EPM2A: variants seen among roughly 807,000 people sequenced by gnomAD.
The protein encoded by EPM2A is EPM2A glucan phosphatase, laforin.
A neutral mutation model predicts 26.5 loss-of-function variants in EPM2A; 21 were observed. That is an observed-to-expected ratio of 0.79 (90% CI 0.56 to 1.14). The LOEUF is 1.14. Among genes scored for constraint, EPM2A ranks in the 50% most tolerant of loss-of-function variants. The probability of loss-of-function intolerance (pLI) is 0.00; values close to 1 mark genes in which losing one functional copy is unlikely to be tolerated. For synonymous variants in EPM2A, 217 were observed against 177.6 expected, an observed-to-expected ratio of 1.22 and a Z score of -1.76; for missense variants, 458 against 440.8, an observed-to-expected ratio of 1.04 and a Z score of -0.35.
chr6:145,661,791 A>T (rs1400654946), intron 2 of EPM2A, among the ~76,000 whole-genome samples: 1 of 151,438 alleles, frequency 6.6e-6, no homozygotes, highest in African/African-American at 2.4e-5. Context: ...GGCTCTTGAA[A>T]CCCCCTCAAC....
chr6:145,650,625 T>C (rs1038091234), intron 2 of EPM2A, among the ~76,000 whole-genome samples: 2 of 152,174 alleles, frequency 1.3e-5, no homozygotes, highest in Non-Finnish European at 2.9e-5. Flanking sequence ...ATTGTTTTTG[T>C]TATGCTATTT....
intron 1 of EPM2A, among the ~76,000 whole-genome samples, chr6:145,690,306 C>T (rs533389453): frequency 2.6e-5 from 4 of 151,848 alleles, no homozygotes; most frequent in South Asian, 2.1e-4. Flanking sequence ...GTCAGGAGAT[C>T]GAGACCATCC....
At chr6:145,578,922 G>A in intron 2 of EPM2A, among the ~76,000 whole-genome samples, 1 of 151,666 alleles carries the variant, frequency 6.6e-6, no homozygotes, top group Non-Finnish European at 1.5e-5. Flanking sequence ...TCGCCCACAT[G>A]TTCTCACTCA....
At chr6:145,448,143 T>C (rs375785905) in intron 4 of EPM2A, among the ~76,000 whole-genome samples, 5 of 152,170 alleles carry the variant, frequency 3.3e-5, no homozygotes, top group Admixed American at 2.6e-4. Context: ...AAGTGATTAA[T>C]TGAAGTAAAT....
intron 2 of EPM2A, among the ~76,000 whole-genome samples, chr6:145,607,266 T>G (rs1396528910): frequency 1.3e-5 from 2 of 152,160 alleles, no homozygotes; most frequent in African/African-American, 4.8e-5. Context: ...TTCCTAAAGG[T>G]TTGCCATTTG....
At chr6:145,697,077 A>G (rs779411991) in intron 1 of EPM2A, among the ~76,000 whole-genome samples, 2 of 152,012 alleles carry the variant, frequency 1.3e-5, no homozygotes, top group Non-Finnish European at 2.9e-5. Flanking sequence ...TATTGGGGGA[A>G]ATTCAGCCAG....
intron 4 of EPM2A, among the ~76,000 whole-genome samples, chr6:145,428,602 A>G (rs1449188074): frequency 1.3e-5 from 2 of 152,222 alleles, no homozygotes; most frequent in Non-Finnish European, 2.9e-5. Context: ...TCCTTCATCT[A>G]GAAACGGAGT....
At chr6:145,510,023 CAAG>C (rs1372877463) in intron 2 of EPM2A, among the ~76,000 whole-genome samples, 3 of 151,972 alleles carry the variant, frequency 2.0e-5, no homozygotes, top group Non-Finnish European at 2.9e-5. Context: ...TTCCGTTCAA[CAAG>C]AAGATTTCAC....
chr6:145,680,728 T>A (rs1400760590), intron 2 of EPM2A, among the ~76,000 whole-genome samples: 2 of 152,208 alleles, frequency 1.3e-5, no homozygotes, highest in Non-Finnish European at 2.9e-5. Flanking sequence ...AACTCATCAT[T>A]TTTTATGGCT....
chr6:145,474,386 T>C (rs1035307704), intron 4 of EPM2A, among the ~76,000 whole-genome samples: 11 of 151,976 alleles, frequency 7.2e-5, no homozygotes, highest in African/African-American at 2.2e-4. Flanking sequence ...CACTTGAACC[T>C]GGGAGGCAGA....
At chr6:145,420,855 A>AAG (rs34604534) in intron 4 of EPM2A, among the ~76,000 whole-genome samples, 7,063 of 150,576 alleles carry the variant, frequency 0.047, 529 homozygotes, top group African/African-American at 0.16. Context: ...GAGAGATAGA[A>AAG]AGAGAGAGAG....
At chr6:145,682,259 C>T (rs527751152) in intron 2 of EPM2A, 1 of 152,310 alleles carries the variant, frequency 6.6e-6, no homozygotes, top group South Asian at 2.1e-4. Flanking sequence ...GACTTATTCA[C>T]TATCACGAGA....
intron 4 of EPM2A, among the ~76,000 whole-genome samples, chr6:145,448,957 A>G (rs1485707148): frequency 2.0e-5 from 3 of 152,226 alleles, no homozygotes; most frequent in Non-Finnish European, 2.9e-5. Flanking sequence ...CCTCAGCTAA[A>G]TAAATAGTAC....
At chr6:145,567,109 A>G (rs1185452413) in intron 2 of EPM2A, among the ~76,000 whole-genome samples, 1 of 152,128 alleles carries the variant, frequency 6.6e-6, no homozygotes, top group African/African-American at 2.4e-5. Context: ...CAGCAGGAAG[A>G]CCCTCAGCAG....
chr6:145,556,182 A>G (rs1044090497), intron 2 of EPM2A, among the ~76,000 whole-genome samples: 11 of 152,202 alleles, frequency 7.2e-5, no homozygotes, highest in African/African-American at 2.7e-4. Context: ...AATAGAACAC[A>G]TGATAAAAGC....
intron 2 of EPM2A, among the ~76,000 whole-genome samples, chr6:145,533,014 T>A (rs373321): frequency 0.45 from 67,743 of 151,944 alleles, 15,136 homozygotes; most frequent in South Asian, 0.58. Context: ...TATATATTCA[T>A]TTGCTTATCT....
rs112877871 is a variant in EPM2A, at chr6:145,521,212, T to C, written c.341-18637A>G. ...GGAGTTAGGTATAATGAAGGGATTC[T>C]ATAGAAGTTTTCACGTAAATTCTCC... On this transcript the variant is annotated intron_variant, in intron 2 of 3. Coordinates refer to the EPM2A transcript ENST00000450221. Among the ~76,000 whole-genome samples the C allele has an allele frequency of 3.4e-3, 525 of 152,294 alleles. 6 individuals are homozygous for C. The highest frequency in any genetic ancestry group is 0.012 in the African/African-American group (506 of 41,554).
chr6:145,409,243 A>G (rs1182642661), intron 4 of EPM2A, among the ~76,000 whole-genome samples: 3 of 152,132 alleles, frequency 2.0e-5, no homozygotes, highest in African/African-American at 4.8e-5. Context: ...CACACACATC[A>G]TCTCACTTAA....
chr6:145,538,444 T>G (rs1780464063), intron 2 of EPM2A, among the ~76,000 whole-genome samples: 1 of 152,218 alleles, frequency 6.6e-6, no homozygotes. Flanking sequence ...CAAGAGCTCC[T>G]TACTGTCACA....
Sources: gnomAD v4.1 joint callset for allele counts (sites outside exome capture counted in the v4.1 genomes callset) on GRCh38, gnomAD v4.1.1 for gene constraint, MANE v1.5 for transcripts, NCBI Gene and HGNC (gene_info 2026-07-23, HGNC 2026-07-21) for gene names.